Variants in STK31 observed in about 807,000 individuals in gnomAD.
The protein encoded by STK31 is serine/threonine kinase 31, also known as serine/threonine-protein kinase 31.
STK31 carries 89 observed loss-of-function variants against 129.7 expected under a neutral mutation model. The observed-to-expected ratio is 0.69, with a 90% CI of 0.58 to 0.82. STK31 has a LOEUF of 0.82. STK31 is among the 40% of genes least tolerant of loss of function. The probability of loss-of-function intolerance (pLI) is 0.00; values close to 1 mark genes in which losing one functional copy is unlikely to be tolerated. For missense variants in STK31, 1,187 were observed against 1,176.4 expected (o/e 1.01, Z -0.13); for synonymous variants, 448 against 395.3 (o/e 1.13, Z -1.58).
intron 11 of STK31, among the ~76,000 whole-genome samples, chr7:23,767,118 C>T (rs959005051): frequency 6.6e-6 from 1 of 151,760 alleles, no homozygotes; most frequent in Non-Finnish European, 1.5e-5. Flanking sequence ...AATATTCTTT[C>T]TTTTGTTGAG....
At chr7:23,724,395 A>T (rs575701869) in intron 4 of STK31, among the ~76,000 whole-genome samples, 10 of 152,210 alleles carry the variant, frequency 6.6e-5, no homozygotes, top group Admixed American at 1.3e-4. Flanking sequence ...CCAGCTAGAG[A>T]GAGTCTTACT....
intron 6 of STK31, among the ~76,000 whole-genome samples, chr7:23,731,741 A>G (rs1401490711): frequency 1.3e-5 from 2 of 152,184 alleles, no homozygotes; most frequent in African/African-American, 4.8e-5. Flanking sequence ...TACTAGTCCT[A>G]CATGCCTGAC....
intron 22 of STK31, among the ~76,000 whole-genome samples, chr7:23,803,186 T>A (rs1489494413): frequency 6.6e-6 from 1 of 152,166 alleles, no homozygotes; most frequent in Non-Finnish European, 1.5e-5. Context: ...ACCTTCCTCC[T>A]CAAAGAATTG....
At chr7:23,786,979 C>T in intron 20 of STK31, 55 bp downstream of exon 20, 4 of 1,519,332 alleles carry the variant, frequency 2.6e-6, no homozygotes, top group Non-Finnish European at 2.7e-6. Flanking sequence ...AAAATAACAC[C>T]TGATATTTAT....
intron 23 of STK31, among the ~76,000 whole-genome samples, chr7:23,820,606 C>G (rs1009181613): frequency 1.3e-5 from 2 of 152,136 alleles, no homozygotes; most frequent in Non-Finnish European, 2.9e-5. Flanking sequence ...TGCTATCAAT[C>G]ACTAGTACTT....
chr7:23,809,155 G>T (rs1584482177), intron 22 of STK31, among the ~76,000 whole-genome samples: 1 of 149,630 alleles, frequency 6.7e-6, no homozygotes, highest in Non-Finnish European at 1.5e-5. Flanking sequence ...AGCTAGAGTT[G>T]TTTGTTTTTT....
chr7:23,762,329 A>G lies in STK31; in HGVS notation c.1294-472A>G, dbSNP rs547755867. Reference sequence around the variant, plus strand: ...ATATATTAATATATAGTTTTAATACAGTATGGTAAGTGCTATAATAAAGAA... The same window carrying G: ...ATATATTAATATATAGTTTTAATACGGTATGGTAAGTGCTATAATAAAGAA... On this transcript the variant is annotated intron_variant, in intron 10 of 23. Transcript: ENST00000355870. Among the ~76,000 whole-genome samples, 7 of 150,472 alleles carry G rather than the reference A, an allele frequency of 4.7e-5. No homozygotes were observed. The South Asian group carries it at 1.0e-3, about 22-fold the overall frequency.
At chr7:23,830,369 A>G (rs1010998963) in intron 23 of STK31, among the ~76,000 whole-genome samples, 5 of 151,732 alleles carry the variant, frequency 3.3e-5, no homozygotes, top group African/African-American at 9.7e-5. Context: ...TCCTTTTTTG[A>G]TAGAAGAATT....
intron 6 of STK31, among the ~76,000 whole-genome samples, chr7:23,732,685 A>G (rs1489136742): frequency 6.6e-6 from 1 of 152,218 alleles, no homozygotes; most frequent in Non-Finnish European, 1.5e-5. Context: ...ATGGACCTTT[A>G]GAACATTCAG....
At position 23,758,234 on chromosome 7, in the gene STK31, C is replaced by G. The variant is rs918269701; in HGVS notation, c.1293+3760C>G. On this transcript the variant is annotated intron_variant, in intron 10 of 23. Transcript: ENST00000355870. Reference sequence around the variant, plus strand: ...GCATCCAAGAGTTTATTCATTTCTTCTAGATTTTCTAGTTTATTTGTGTAG... The same window carrying G: ...GCATCCAAGAGTTTATTCATTTCTTGTAGATTTTCTAGTTTATTTGTGTAG... 2.6e-5 allele frequency among the ~76,000 whole-genome samples: 4 copies of G among 152,262 alleles called. No homozygotes were observed. The South Asian group carries it at 6.2e-4, about 24-fold the overall frequency.
At chr7:23,719,480 A>G (rs1057318853) in intron 4 of STK31, among the ~76,000 whole-genome samples, 3 of 152,158 alleles carry the variant, frequency 2.0e-5, no homozygotes, top group African/African-American at 7.2e-5. Context: ...TTTTCCAGAT[A>G]TAAACATGTG....
At chr7:23,757,933 T>A (rs1429613389) in intron 10 of STK31, among the ~76,000 whole-genome samples, 1 of 152,184 alleles carries the variant, frequency 6.6e-6, no homozygotes, top group African/African-American at 2.4e-5. Context: ...TGGTGATGAT[T>A]TTTAACAAGC....
At chr7:23,765,550 C>T (rs577163135) in intron 11 of STK31, among the ~76,000 whole-genome samples, 4 of 137,880 alleles carry the variant, frequency 2.9e-5, no homozygotes, top group South Asian at 4.7e-4. Context: ...TAACTTACAC[C>T]TCTTATACTT....
intron 22 of STK31, among the ~76,000 whole-genome samples, chr7:23,807,266 A>T (rs992952161): frequency 6.6e-5 from 10 of 152,020 alleles, no homozygotes; most frequent in Middle Eastern, 3.4e-3. Context: ...AGTGTCCTTT[A>T]TCTGAGAGCA....
chr7:23,790,803 T>C (rs1330826620), intron 21 of STK31, 21 bp from the exon 22 acceptor site: 8 of 1,573,026 alleles, frequency 5.1e-6, no homozygotes, highest in African/African-American at 1.4e-5. Context: ...ATCTGAAATA[T>C]GTAAAATATT....
intron 23 of STK31, among the ~76,000 whole-genome samples, chr7:23,830,609 T>TGTGA (rs1292827270): frequency 6.7e-6 from 1 of 148,438 alleles, no homozygotes; most frequent in East Asian, 1.9e-4. Context: ...TGTGTGTGTG[T>TGTGA]GTGTGTGTGT....
Position 23,790,898 on chromosome 7 carries a change from T to A in STK31, c.2712T>A (p.Pro904=). 1 of 1,608,494 alleles carries A rather than the reference T, an allele frequency of 6.2e-7. No homozygotes were observed. Among genetic ancestry groups the A allele is most frequent in the South Asian group, 1.1e-5 (1 of 90,100 alleles). The change falls in exon 22 of 24, where the codon CCT becomes CCA. Residue 904 remains proline, a synonymous_variant. Transcript: ENST00000355870. ...CACCTGAGTTGAAAATGGGAAAACC[T>A]GCTTCTCCAGGTTCAGACTTATATG... ...LMSPELKMGK[P]ASPGSDLYAY... is the part of the protein sequence containing the mutation.
At chr7:23,723,106 G>C (rs556620092) in intron 4 of STK31, among the ~76,000 whole-genome samples, 1 of 152,156 alleles carries the variant, frequency 6.6e-6, no homozygotes, top group African/African-American at 2.4e-5. Flanking sequence ...GATGAACCCG[G>C]TACCTCAGTT....
intron 15 of STK31, among the ~76,000 whole-genome samples, chr7:23,777,165 G>A (rs1790605378): frequency 1.3e-5 from 2 of 152,208 alleles, no homozygotes; most frequent in Non-Finnish European, 2.9e-5. Flanking sequence ...GTTCTACTTT[G>A]ATTGCACTGT....
Sources: gnomAD v4.1 joint callset for allele counts (sites outside exome capture counted in the v4.1 genomes callset) on GRCh38, gnomAD v4.1.1 for gene constraint, MANE v1.5 for transcripts, NCBI Gene and HGNC (gene_info 2026-07-23, HGNC 2026-07-21) for gene names.